CGNL1: variants seen among roughly 807,000 people sequenced by gnomAD.
CGNL1 encodes the protein cingulin-like protein 1.
CGNL1 carries 132 observed loss-of-function variants against 141.2 expected under a neutral mutation model. The observed-to-expected ratio is 0.93, with a 90% CI of 0.81 to 1.08. The LOEUF (loss-of-function observed/expected upper bound fraction) is 1.08. CGNL1 is among the 50% of genes least tolerant of loss of function. The pLI is 0.00. For missense variants in CGNL1, 1,870 were observed against 1,588.6 expected (o/e 1.18, Z -3.01); for synonymous variants, 690 against 622.1 (o/e 1.11, Z -1.63).
At chr15:57,488,277 CT>C (rs1208632998) in intron 8 of CGNL1, among the ~76,000 whole-genome samples, 3 of 151,954 alleles carry the variant, frequency 2.0e-5, no homozygotes, top group Non-Finnish European at 4.4e-5. Context: ...TGTAATGGTT[CT>C]TTATATATTC....
chr15:57,521,002 C>T (rs182374043), intron 10 of CGNL1, among the ~76,000 whole-genome samples: 43 of 152,262 alleles, frequency 2.8e-4, no homozygotes, highest in African/African-American at 1.0e-3. Context: ...TACATCTACC[C>T]GTGTTGCGCC....
chr15:57,539,683 T>C (rs532652404), intron 14 of CGNL1, among the ~76,000 whole-genome samples: 1 of 152,338 alleles, frequency 6.6e-6, no homozygotes, highest in Non-Finnish European at 1.5e-5. Flanking sequence ...GCCTGTGTGC[T>C]TTACCGGCAG....
At chr15:57,439,942 G>C (rs1380655879) in intron 2 of CGNL1, among the ~76,000 whole-genome samples, 2 of 152,166 alleles carry the variant, frequency 1.3e-5, no homozygotes, top group African/African-American at 2.4e-5. Flanking sequence ...GAATAGTTAG[G>C]TTTGTGTAGG....
chr15:57,461,769 C>T lies in CGNL1; in HGVS notation c.2280C>T (p.Leu760=), dbSNP rs779987940. 6.2e-7 allele frequency: 1 copy of T among 1,614,122 alleles called. No individual in the cohort carries two copies. Among genetic ancestry groups the T allele is most frequent in the South Asian group, 1.1e-5 (1 of 91,078 alleles). ...EDLLRKRERE[L]TALKGALKEE... ...TCTTGAGAAAGCGAGAGCGTGAACTCACCGCCCTGAAGGGAGCCCTGAAAG... is the reference window on the plus strand; with the variant it reads ...TCTTGAGAAAGCGAGAGCGTGAACTTACCGCCCTGAAGGGAGCCCTGAAAG... The change falls in exon 8 of 19, where the codon CTC becomes CTT. Residue 760 remains leucine (L), a synonymous_variant. Transcript: ENST00000281282.
chr15:57,464,193 T>C (rs1390430700), intron 8 of CGNL1, among the ~76,000 whole-genome samples: 1 of 151,962 alleles, frequency 6.6e-6, no homozygotes, highest in African/African-American at 2.4e-5. Flanking sequence ...GTGGGGACTG[T>C]GACAAGCTGG....
rs553330025 is a variant in CGNL1, at chr15:57,493,765, A to G, written c.2404-23015A>G. Among the ~76,000 whole-genome samples the G allele has an allele frequency of 9.2e-5, 14 of 152,346 alleles. No individual in the cohort carries two copies. The South Asian group carries it at 2.5e-3, about 27-fold the overall frequency. ...CATTTAGTGGATTTAGTGAGATTGCATATTCTCAGATTCGATGCTGTTCTT... is the reference window on the plus strand; with the variant it reads ...CATTTAGTGGATTTAGTGAGATTGCGTATTCTCAGATTCGATGCTGTTCTT... On this transcript the variant is annotated intron_variant, in intron 8 of 18. Coordinates refer to ENST00000281282, the MANE Select transcript of CGNL1 (RefSeq NM_032866.5).
intron 12 of CGNL1, among the ~76,000 whole-genome samples, chr15:57,526,629 G>A (rs1472296942): frequency 1.3e-5 from 2 of 151,840 alleles, no homozygotes; most frequent in Non-Finnish European, 2.9e-5. Flanking sequence ...CCATTGTTCA[G>A]TTTATTTTCT....
Position 57,442,182 on chromosome 15 carries a change from G to GGAAA in CGNL1, c.1698-191_1698-190insGAAA, listed in dbSNP as rs1491455852. On this transcript the variant is annotated intron_variant, in intron 3 of 18. Transcript: ENST00000281282. ...TTGAGTGGTAACACATCATTTATTT[G>GGAAA]AAAAAAAAAAAAAAAAAAAAAGACA... Among the ~76,000 whole-genome samples the GGAAA allele has an allele frequency of 3.4e-3, 330 of 96,522 alleles. 13 individuals are homozygous for GGAAA. Among genetic ancestry groups the GGAAA allele is most frequent in the South Asian group, 7.0e-3 (18 of 2,580 alleles). 63.3% of individuals were successfully genotyped at this position (96,522 alleles called of 152,430 possible).
intron 3 of CGNL1, among the ~76,000 whole-genome samples, chr15:57,441,073 C>A (rs1490711062): frequency 1.7e-3 from 229 of 138,740 alleles, no homozygotes; most frequent in Non-Finnish European, 1.9e-3. Flanking sequence ...AGAGGAAGGA[C>A]AAAAAAAAAA....
At chr15:57,401,253 A>G (rs1176259333) in intron 1 of CGNL1, among the ~76,000 whole-genome samples, 2 of 152,214 alleles carry the variant, frequency 1.3e-5, no homozygotes, top group Non-Finnish European at 2.9e-5. Flanking sequence ...TACCTCATAT[A>G]TAAGTATTTG....
At chr15:57,541,087 C>T (rs1338844584) in intron 14 of CGNL1, among the ~76,000 whole-genome samples, 2 of 152,234 alleles carry the variant, frequency 1.3e-5, no homozygotes, top group Non-Finnish European at 2.9e-5. Context: ...CATTGGCCAG[C>T]TCGGGGGCCC....
chr15:57,460,164 A>C (rs138620268), intron 7 of CGNL1, among the ~76,000 whole-genome samples: 5 of 152,322 alleles, frequency 3.3e-5, no homozygotes, highest in African/African-American at 1.2e-4. Flanking sequence ...TTATCTTGGC[A>C]CTACAAGAAA....
intron 8 of CGNL1, among the ~76,000 whole-genome samples, chr15:57,475,694 C>A (rs939901317): frequency 6.6e-6 from 1 of 152,106 alleles, no homozygotes; most frequent in Non-Finnish European, 1.5e-5. Context: ...CAGGGCTGTA[C>A]GTATTCCAGC....
rs2063818482 is a variant in CGNL1 at position 57,488,717 on chromosome 15, G to T, written c.2403+26825G>T. Among the ~76,000 whole-genome samples, 2 of 152,248 alleles carry T rather than the reference G, an allele frequency of 1.3e-5. 1 individual carries two copies. The highest frequency in any genetic ancestry group is 4.1e-4 in the South Asian group (2 of 4,836). On this transcript the variant is annotated intron_variant, in intron 8 of 18. Coordinates refer to ENST00000281282, the MANE Select transcript of CGNL1 (RefSeq NM_032866.5). The stretch of plus-strand genomic sequence containing the variant: ...CTTTCGAGTGCACAGCTTGTGCCAA[G>T]AGTGGGTAACAGAAGAAGCTAAACA...
At chr15:57,491,742 C>T (rs374952505) in intron 8 of CGNL1, among the ~76,000 whole-genome samples, 1 of 152,282 alleles carries the variant, frequency 6.6e-6, no homozygotes. Context: ...GAAAGAAATG[C>T]CTACTCTCTC....
chr15:57,490,294 G>A (rs952801525), intron 8 of CGNL1, among the ~76,000 whole-genome samples: 11 of 152,074 alleles, frequency 7.2e-5, no homozygotes, highest in Non-Finnish European at 1.2e-4. Context: ...GTTCTATGAC[G>A]TTGATGCATT....
intron 8 of CGNL1, chr15:57,478,469 C>T (rs1023663803): frequency 6.6e-6 from 1 of 152,276 alleles, no homozygotes; most frequent in East Asian, 1.9e-4. Flanking sequence ...CTGGAAGGCA[C>T]TTTAACTGGA....
chr15:57,423,849 C>T (rs1214299565), intron 1 of CGNL1, among the ~76,000 whole-genome samples: 5 of 152,186 alleles, frequency 3.3e-5, no homozygotes, highest in African/African-American at 1.2e-4. Flanking sequence ...CATTGGATCT[C>T]GGGTGGAATC....
At chr15:57,454,116 G>T (rs920881266) in intron 7 of CGNL1, among the ~76,000 whole-genome samples, 1 of 152,116 alleles carries the variant, frequency 6.6e-6, no homozygotes, top group Non-Finnish European at 1.5e-5. Flanking sequence ...GTACATTTTT[G>T]GGAGAGGGAA....
Sources: gnomAD v4.1 joint callset for allele counts (sites outside exome capture counted in the v4.1 genomes callset) on GRCh38, gnomAD v4.1.1 for gene constraint, MANE v1.5 for transcripts, NCBI Gene and HGNC (gene_info 2026-07-23, HGNC 2026-07-21) for gene names.